TMEM132C: variants seen among roughly 807,000 people sequenced by gnomAD.
The protein encoded by TMEM132C is transmembrane protein 132C.
A neutral mutation model predicts 61.4 loss-of-function variants in TMEM132C; 29 were observed. The ratio of observed to expected loss-of-function variants is 0.47; its 90% CI spans 0.35 to 0.64. The LOEUF (loss-of-function observed/expected upper bound fraction) is 0.64, where lower values mean the gene tolerates loss of function less well. Among genes scored for constraint, TMEM132C ranks in the 30% least tolerant of loss-of-function variants. The pLI, the probability that TMEM132C is intolerant of heterozygous loss-of-function variation, is 0.00. For synonymous variants in TMEM132C, 656 were observed against 633.1 expected (o/e 1.04, Z -0.54); for missense variants, 1,408 against 1,476.9 (o/e 0.95, Z 0.76).
intron 1 of TMEM132C, among the ~76,000 whole-genome samples, chr12:128,291,901 G>A (rs891244289): frequency 5.9e-5 from 9 of 152,216 alleles, no homozygotes; most frequent in African/African-American, 2.2e-4. Flanking sequence ...GTGATGGCCA[G>A]GGCGTCTCAG....
At chr12:128,516,080 A>G (rs1163773723) in intron 2 of TMEM132C, among the ~76,000 whole-genome samples, 1 of 152,190 alleles carries the variant, frequency 6.6e-6, no homozygotes, top group Non-Finnish European at 1.5e-5. Context: ...AACCTGGACG[A>G]CAGAACGAGG....
intron 8 of TMEM132C, among the ~76,000 whole-genome samples, chr12:128,697,651 C>T (rs2135657136): frequency 6.6e-6 from 1 of 152,332 alleles, no homozygotes; most frequent in African/African-American, 2.4e-5. Context: ...CCCTGCACTC[C>T]CCTCTCTTCT....
intron 3 of TMEM132C, among the ~76,000 whole-genome samples, chr12:128,588,499 T>A (rs11832778): frequency 0.46 from 70,202 of 151,986 alleles, 16,841 homozygotes; most frequent in East Asian, 0.64. Context: ...TCATCCGTTC[T>A]TTTGTACGTA....
intron 1 of TMEM132C, among the ~76,000 whole-genome samples, chr12:128,374,896 G>A (rs1874140353): frequency 7.2e-6 from 1 of 137,962 alleles, no homozygotes; most frequent in East Asian, 2.2e-4. Flanking sequence ...ACTCCAGCCT[G>A]GGCGACAAAC....
chr12:128,686,301 C>T lies in TMEM132C; in HGVS notation c.1450-7528C>T, dbSNP rs78628403. ...TGGTGGTTACCTTGGCAACATTCTA[C>T]CCCGTTGATGCTGAGACCAGCTCTG... On this transcript the variant is annotated intron_variant, in intron 5 of 8. Coordinates refer to ENST00000435159, the MANE Select transcript of TMEM132C (RefSeq NM_001136103.3). Among the ~76,000 whole-genome samples, 1,206 of 152,252 alleles carry T rather than the reference C, an allele frequency of 7.9e-3. 23 individuals are homozygous for T. The highest frequency in any genetic ancestry group is 0.063 in the East Asian group (325 of 5,178).
At chr12:128,305,621 T>G (rs552049770) in intron 1 of TMEM132C, among the ~76,000 whole-genome samples, 25 of 152,220 alleles carry the variant, frequency 1.6e-4, no homozygotes, top group Admixed American at 5.9e-4. Flanking sequence ...TAGATGACAT[T>G]TAAACATCAT....
intron 2 of TMEM132C, among the ~76,000 whole-genome samples, chr12:128,510,272 G>A (rs970581604): frequency 3.3e-5 from 5 of 152,052 alleles, no homozygotes; most frequent in South Asian, 2.1e-4. Flanking sequence ...GGTGGATCCC[G>A]AAAGCAACCA....
intron 2 of TMEM132C, among the ~76,000 whole-genome samples, chr12:128,493,308 G>T (rs553473478): frequency 6.6e-6 from 1 of 152,228 alleles, no homozygotes; most frequent in African/African-American, 2.4e-5. Context: ...TGTTCCTTTG[G>T]CTTAGGATTG....
intron 2 of TMEM132C, among the ~76,000 whole-genome samples, chr12:128,472,743 GATTT>G (rs1317235820): frequency 6.6e-6 from 1 of 152,180 alleles, no homozygotes; most frequent in Non-Finnish European, 1.5e-5. Flanking sequence ...CTTCGGCCTG[GATTT>G]ATTTGAGAGC....
intron 2 of TMEM132C, among the ~76,000 whole-genome samples, chr12:128,515,661 G>A (rs1244563918): frequency 2.0e-5 from 3 of 151,988 alleles, no homozygotes; most frequent in African/African-American, 4.8e-5. Flanking sequence ...GTAAAACCCC[G>A]TCTCTACTAA....
At chr12:128,471,916 T>C (rs557104360) in intron 2 of TMEM132C, among the ~76,000 whole-genome samples, 86 of 152,276 alleles carry the variant, frequency 5.6e-4, no homozygotes, top group African/African-American at 1.9e-3. Flanking sequence ...TTTCCAGCAA[T>C]GTTCAAGTAG....
intron 1 of TMEM132C, among the ~76,000 whole-genome samples, chr12:128,286,490 C>G (rs149059465): frequency 4.6e-5 from 7 of 152,252 alleles, no homozygotes; most frequent in African/African-American, 1.7e-4. Context: ...TGGGTGTGGG[C>G]AGAATAATTC....
chr12:128,345,686 A>T (rs1419687044), intron 1 of TMEM132C, among the ~76,000 whole-genome samples: 6 of 152,100 alleles, frequency 3.9e-5, no homozygotes, highest in African/African-American at 1.4e-4. Flanking sequence ...TTCTTTTCAT[A>T]TGATTGTTGG....
chr12:128,602,952 G>T (rs1013279354), intron 3 of TMEM132C, among the ~76,000 whole-genome samples: 7 of 152,214 alleles, frequency 4.6e-5, no homozygotes, highest in Admixed American at 4.6e-4. Context: ...GCTTGACAAG[G>T]TGGCCCAAGG....
intron 5 of TMEM132C, among the ~76,000 whole-genome samples, chr12:128,682,159 C>T (rs1434246725): frequency 6.6e-6 from 1 of 152,190 alleles, no homozygotes; most frequent in Non-Finnish European, 1.5e-5. Context: ...CACATGATTT[C>T]ACTCTTCTGG....
rs11608684 is a variant in TMEM132C at position 128,695,779 on chromosome 12, G to A, written c.1656-51G>A. On this transcript the variant is annotated intron_variant, in intron 6 of 8. Coordinates refer to ENST00000435159, the MANE Select transcript of TMEM132C (RefSeq NM_001136103.3). ...GTGAGCGCCTGCCTGTCTCAAGAAC[G>A]TCTTAGACTCCTCTCCCTGGATCTG... 3,360 of 1,487,754 alleles carry A rather than the reference G, an allele frequency of 2.3e-3. 37 individuals are homozygous for A. Among genetic ancestry groups the A allele is most frequent in the Middle Eastern group, 1.3e-3 (6 of 4,782 alleles). 92.2% of individuals were successfully genotyped at this position (1,487,754 alleles called of 1,614,324 possible).
intron 3 of TMEM132C, among the ~76,000 whole-genome samples, chr12:128,591,276 G>A (rs61938638): frequency 0.16 from 23,814 of 150,832 alleles, 2,263 homozygotes; most frequent in Middle Eastern, 0.27. Flanking sequence ...ACCCCTCCCC[G>A]CCTCCCCCAG....
intron 1 of TMEM132C, among the ~76,000 whole-genome samples, chr12:128,337,955 C>G (rs1378745396): frequency 6.6e-6 from 1 of 152,134 alleles, no homozygotes; most frequent in Non-Finnish European, 1.5e-5. Flanking sequence ...GATTCCAACA[C>G]CCCAGGGAAC....
At chr12:128,544,205 A>C in intron 3 of TMEM132C, 102 bp downstream of exon 3, 1 of 1,398,414 alleles carries the variant, frequency 7.2e-7, no homozygotes, top group Non-Finnish European at 9.4e-7. Flanking sequence ...GCGGCTGCTC[A>C]GAGGAGCTAT....
Sources: gnomAD v4.1 joint callset for allele counts (sites outside exome capture counted in the v4.1 genomes callset) on GRCh38, gnomAD v4.1.1 for gene constraint, MANE v1.5 for transcripts, NCBI Gene and HGNC (gene_info 2026-07-23, HGNC 2026-07-21) for gene names.